The following CHCHD4 variants were observed in gnomAD, a reference collection of about 807,000 sequenced individuals.
The protein encoded by CHCHD4 is mitochondrial intermembrane space import and assembly protein 40.
CHCHD4 carries 7 observed loss-of-function variants against 12.4 expected under a neutral mutation model. That is an observed-to-expected ratio of 0.57 (90% CI 0.32 to 1.06). The LOEUF (loss-of-function observed/expected upper bound fraction) is 1.06. Among genes scored for constraint, CHCHD4 ranks in the 50% least tolerant of loss-of-function variants. The pLI, the probability that CHCHD4 is intolerant of heterozygous loss-of-function variation, is 0.04. For synonymous variants in CHCHD4, 56 were observed against 58.0 expected, an observed-to-expected ratio of 0.97 and a Z score of 0.16; for missense variants, 143 against 175.1, an observed-to-expected ratio of 0.82 and a Z score of 1.03.
intron 1 of CHCHD4, 120 bp downstream of exon 1, chr3:14,124,535 G>T: frequency 1.2e-6 from 1 of 828,084 alleles, no homozygotes; most frequent in Non-Finnish European, 1.7e-6. Context: ...AGTGTCCCAG[G>T]GTGGGCACCT....
chr3:14,112,850 T>C lies in CHCHD4; in HGVS notation c.*37A>G. The C allele has an allele frequency of 6.4e-7, 1 of 1,570,096 alleles. No individual in the cohort carries two copies. The highest frequency in any genetic ancestry group is 8.6e-7 in the Non-Finnish European group (1 of 1,157,358). Reference sequence around the variant, plus strand: ...ACAAGGCCTTTTGCAAAAGGTCCACTCCAAAAGGACTGGTGCCCAGTGCCT... The same window carrying C: ...ACAAGGCCTTTTGCAAAAGGTCCACCCCAAAAGGACTGGTGCCCAGTGCCT... On this transcript the variant is annotated 3_prime_UTR_variant, in exon 3 of 3. Coordinates refer to ENST00000396914, the MANE Select transcript of CHCHD4 (RefSeq NM_001098502.2).
intron 1 of CHCHD4, among the ~76,000 whole-genome samples, chr3:14,123,667 A>G (rs2124979695): frequency 6.6e-6 from 1 of 152,286 alleles, no homozygotes; most frequent in Non-Finnish European, 1.5e-5. Flanking sequence ...TTTTATAACC[A>G]TCCATCCCCC....
chr3:14,121,352 C>G (rs917743401), intron 1 of CHCHD4, among the ~76,000 whole-genome samples: 1 of 152,222 alleles, frequency 6.6e-6, no homozygotes, highest in African/African-American at 2.4e-5. Flanking sequence ...TACTCCTGCT[C>G]TGTCACCCAG....
intron 1 of CHCHD4, chr3:14,121,867 A>C (rs932351289): frequency 2.5e-6 from 4 of 1,613,778 alleles, no homozygotes; most frequent in Non-Finnish European, 2.5e-6. Flanking sequence ...AATGGCTTTC[A>C]GACAGAGTGT....
rs1011955635 is a variant in CHCHD4 at position 14,124,760 on chromosome 3, A to G, written c.-84T>C. ...CGCCGTGACCTCCCTCTCCTCTGGC[A>G]GGGCGGGCTCCTCCGAAGCCCGCGC... On this transcript the variant is annotated 5_prime_UTR_variant, in exon 1 of 3. Coordinates refer to ENST00000396914, the MANE Select transcript of CHCHD4 (RefSeq NM_001098502.2). The G allele has an allele frequency of 7.0e-7, 1 of 1,430,642 alleles. No individual in the cohort carries two copies. The highest frequency in any genetic ancestry group is 1.3e-5 in the South Asian group (1 of 74,702). 88.6% of individuals were successfully genotyped at this position (1,430,642 alleles called of 1,614,324 possible).
intron 1 of CHCHD4, among the ~76,000 whole-genome samples, chr3:14,117,249 G>A (rs986323557): frequency 1.3e-5 from 2 of 152,200 alleles, no homozygotes; most frequent in Admixed American, 6.5e-5. Context: ...CTCACCCTGG[G>A]GCCTGGCTGC....
At position 14,122,620 on chromosome 3, in the gene CHCHD4, G is replaced by A. The variant is rs73142605; in HGVS notation, c.22+2035C>T. Among the ~76,000 whole-genome samples, 731 of 152,272 alleles carry A rather than the reference G, an allele frequency of 4.8e-3. 4 individuals carry two copies. Among genetic ancestry groups the A allele is most frequent in the African/African-American group, 0.017 (687 of 41,536 alleles). On this transcript the variant is annotated intron_variant, in intron 1 of 2. Coordinates refer to ENST00000396914, the MANE Select transcript of CHCHD4 (RefSeq NM_001098502.2). The stretch of plus-strand genomic sequence containing the variant: ...GGCAAGTGATTCACTCAGAACAGAG[G>A]GCAGGTAAATGCATGATTCAATAAA...
chr3:14,113,186 G>T lies in CHCHD4; in HGVS notation c.130C>A (p.Leu44Met), dbSNP rs142034238. ...NDPYEEHGLI[L>M]PNGNINWNCP... ...TTCCAGTTAATGTTTCCATTTGGCA[G>T]TATCAATCCTAGAACAGGAAGATAG... Residue 44 changes from leucine (L) to methionine (M), a missense_variant, in exon 3 of 3, where the codon CTG becomes ATG. Physicochemically the swap from Leu to Met is conservative, Grantham distance 15 (BLOSUM62 2). Transcript: ENST00000396914. 4.4e-6 allele frequency: 7 copies of T among 1,606,806 alleles called. No individual in the cohort carries two copies. The highest frequency in any genetic ancestry group is 1.3e-5 in the African/African-American group (1 of 74,630).
In CHCHD4 at chr3:14,116,515, C is replaced by T. The variant is rs755009391; in HGVS notation, c.32G>A (p.Arg11Gln). ...ATCTTCTTTGGTTACAAATATGATTCGATCCTTCCCTAGTGTTTGGAGAAC... is the reference window on the plus strand; with the variant it reads ...ATCTTCTTTGGTTACAAATATGATTTGATCCTTCCCTAGTGTTTGGAGAAC... MSYCRQEGKD[R>Q]IIFVTKEDHE... Residue 11 changes from arginine to glutamine, a missense_variant, in exon 2 of 3, where the codon CGA becomes CAA. Arg to Gln is a conservative substitution (Grantham distance 43). Coordinates refer to ENST00000396914, the MANE Select transcript of CHCHD4 (RefSeq NM_001098502.2). 27 of 1,607,784 alleles carry T rather than the reference C, an allele frequency of 1.7e-5. No homozygotes were observed. Among genetic ancestry groups the T allele is most frequent in the Middle Eastern group, 1.6e-4 (1 of 6,078 alleles).
At chr3:14,115,137 T>G (rs2124975291) in intron 2 of CHCHD4, among the ~76,000 whole-genome samples, 1 of 152,326 alleles carries the variant, frequency 6.6e-6, no homozygotes, top group South Asian at 2.1e-4. Context: ...GCTTGAAACT[T>G]GGGTCCCAGA....
intron 1 of CHCHD4, among the ~76,000 whole-genome samples, chr3:14,123,386 T>C (rs1218806009): frequency 2.0e-5 from 3 of 152,240 alleles, no homozygotes; most frequent in Non-Finnish European, 4.4e-5. Flanking sequence ...CTTTTGCTTA[T>C]GGCACACATT....
chr3:14,121,743 G>A (rs1237485139), intron 1 of CHCHD4, among the ~76,000 whole-genome samples: 1 of 152,138 alleles, frequency 6.6e-6, no homozygotes, highest in Non-Finnish European at 1.5e-5. Context: ...GTGAGGTAAG[G>A]GGTTTCTAAG....
intron 2 of CHCHD4, among the ~76,000 whole-genome samples, chr3:14,114,659 A>T (rs1452863623): frequency 6.6e-6 from 1 of 152,208 alleles, no homozygotes; most frequent in Non-Finnish European, 1.5e-5. Flanking sequence ...CAGGTGGTTG[A>T]TTAAAAAAAA....
chr3:14,117,767 T>C (rs545980746), intron 1 of CHCHD4, among the ~76,000 whole-genome samples: 4 of 152,170 alleles, frequency 2.6e-5, no homozygotes, highest in Non-Finnish European at 5.9e-5. Context: ...CATCCCCTTT[T>C]AATGGTGGTG....
At chr3:14,113,889 A>T (rs1372279829) in intron 2 of CHCHD4, among the ~76,000 whole-genome samples, 2 of 152,190 alleles carry the variant, frequency 1.3e-5, no homozygotes, top group African/African-American at 4.8e-5. Flanking sequence ...TAGGCTTCTT[A>T]CTTTTGACTT....
At chr3:14,123,921 G>T (rs1442724641) in intron 1 of CHCHD4, among the ~76,000 whole-genome samples, 1 of 152,158 alleles carries the variant, frequency 6.6e-6, no homozygotes, top group Non-Finnish European at 1.5e-5. Context: ...GTGGGAGGTA[G>T]GCAGGGTTCT....
intron 1 of CHCHD4, among the ~76,000 whole-genome samples, chr3:14,116,931 GCACCCCCA>G (rs1467424358): frequency 6.6e-6 from 1 of 152,224 alleles, no homozygotes; most frequent in Non-Finnish European, 1.5e-5. Flanking sequence ...ACCACAGCCA[GCACCCCCA>G]CTAGGCCTCT....
intron 1 of CHCHD4, chr3:14,121,887 T>A: frequency 6.2e-7 from 1 of 1,614,158 alleles, no homozygotes; most frequent in Non-Finnish European, 8.5e-7. Context: ...TTAAGAAGAA[T>A]GCAAGTGTTA....
intron 1 of CHCHD4, among the ~76,000 whole-genome samples, chr3:14,121,470 T>G (rs1446183757): frequency 6.6e-6 from 1 of 152,220 alleles, no homozygotes; most frequent in Admixed American, 6.5e-5. Flanking sequence ...GGAGGATCTT[T>G]ATACACCAGA....
Sources: allele counts gnomAD v4.1 joint callset (sites outside exome capture counted in the v4.1 genomes callset), GRCh38; gene constraint gnomAD v4.1.1; transcripts MANE v1.5; gene names NCBI Gene and HGNC (gene_info 2026-07-23, HGNC 2026-07-21).